Variants in RAB3GAP1 observed in about 807,000 individuals in gnomAD.
The protein encoded by RAB3GAP1 is RAB3 GTPase activating protein catalytic subunit 1.
Under a neutral mutation model 130.7 loss-of-function variants are expected in RAB3GAP1, and 86 were observed. The ratio of observed to expected loss-of-function variants is 0.66; its 90% CI spans 0.55 to 0.79. RAB3GAP1 has a LOEUF of 0.79. Among genes scored for constraint, RAB3GAP1 ranks in the 30% least tolerant of loss-of-function variants. The pLI is 0.00. For missense variants in RAB3GAP1, 1,029 were observed against 1,169.4 expected, an observed-to-expected ratio of 0.88 and a Z score of 1.75; for synonymous variants, 367 against 401.7, an observed-to-expected ratio of 0.91 and a Z score of 1.03.
chr2:135,093,831 A>G, intron 5 of RAB3GAP1, 138 bp downstream of exon 5: 1 of 767,528 alleles, frequency 1.3e-6, no homozygotes, highest in Non-Finnish European at 2.3e-6. Context: ...CAGAGACAGG[A>G]TACAGGGCAA....
At chr2:135,075,544 T>TATAC (rs1339355586) in intron 3 of RAB3GAP1, among the ~76,000 whole-genome samples, 3 of 152,244 alleles carry the variant, frequency 2.0e-5, no homozygotes, top group Non-Finnish European at 4.4e-5. Context: ...ATAATGTGTT[T>TATAC]ATACATGTTC....
At chr2:135,132,618 T>A (rs970023685) in intron 13 of RAB3GAP1, among the ~76,000 whole-genome samples, 3 of 152,196 alleles carry the variant, frequency 2.0e-5, no homozygotes, top group African/African-American at 7.2e-5. Context: ...TGATGAGATT[T>A]TGCTTTTGCA....
intron 7 of RAB3GAP1, among the ~76,000 whole-genome samples, chr2:135,116,162 T>G (rs187707235): frequency 4.4e-4 from 67 of 152,344 alleles, no homozygotes; most frequent in African/African-American, 1.5e-3. Context: ...TAAACTGACA[T>G]CATGTGTCGT....
intron 3 of RAB3GAP1, among the ~76,000 whole-genome samples, chr2:135,063,434 T>TC (rs1689234498): frequency 6.6e-6 from 1 of 152,164 alleles, no homozygotes; most frequent in Non-Finnish European, 1.5e-5. Flanking sequence ...AGAACTTTTT[T>TC]CATCAGCTCA....
At chr2:135,134,066 G>T (rs762639891) in intron 15 of RAB3GAP1, 33 bp downstream of exon 15, 13 of 1,610,612 alleles carry the variant, frequency 8.1e-6, no homozygotes, top group East Asian at 2.2e-5. Context: ...GTTTGGATAC[G>T]ATTTTGTTTG....
At chr2:135,110,466 G>A (rs1359590993) in intron 5 of RAB3GAP1, among the ~76,000 whole-genome samples, 1 of 152,200 alleles carries the variant, frequency 6.6e-6, no homozygotes, top group East Asian at 1.9e-4. Flanking sequence ...GTCAGGATTT[G>A]TGTATTTAGT....
Position 135,120,900 on chromosome 2 carries a change from T to G in RAB3GAP1, c.730T>G (p.Trp244Gly). Residue 244 changes from tryptophan (W) to glycine (G), a missense_variant, in exon 8 of 24, where the codon TGG (tryptophan) becomes GGG (glycine). By Grantham distance (184) the Trp-to-Gly change is radical. Around this residue, in one of 3 missense-constraint regions of RAB3GAP1, gnomAD observed 510 missense variants for 532.1 expected, o/e 0.96. Coordinates refer to ENST00000264158, the MANE Select transcript of RAB3GAP1 (RefSeq NM_012233.3). Reference sequence around the variant, plus strand: ...ACTTCAAGATTGGCAGCAGTATTTTTGGCCTCAGCAACCTCCAGGTGAGAT... The same window carrying G: ...ACTTCAAGATTGGCAGCAGTATTTTGGGCCTCAGCAACCTCCAGGTGAGAT... ...YVLQDWQQYFWPQQPPDIDAL... is the reference protein window; with the variant it reads ...YVLQDWQQYFGPQQPPDIDAL... 6.2e-7 allele frequency: 1 copy of G among 1,607,762 alleles called. No individual in the cohort carries two copies. Among genetic ancestry groups the G allele is most frequent in the Non-Finnish European group, 8.5e-7 (1 of 1,174,252 alleles).
At chr2:135,132,443 G>T (rs1691575586) in intron 13 of RAB3GAP1, among the ~76,000 whole-genome samples, 1 of 152,110 alleles carries the variant, frequency 6.6e-6, no homozygotes, top group Non-Finnish European at 1.5e-5. Context: ...TGTGGGTCTT[G>T]AATATCATCT....
At chr2:135,067,713 T>C (rs1000308480) in intron 3 of RAB3GAP1, among the ~76,000 whole-genome samples, 1 of 152,204 alleles carries the variant, frequency 6.6e-6, no homozygotes, top group South Asian at 2.1e-4. Flanking sequence ...TTTATTGTTT[T>C]TGCCTTTCTG....
In RAB3GAP1 at chr2:135,093,606, T is replaced by G; in HGVS notation, c.284-9T>G. On this transcript the variant is annotated splice_polypyrimidine_tract_variant and intron_variant, in intron 4 of 23. Transcript: ENST00000264158. ...ATACTAACTTTTTCATTATCAAATG[T>G]TTTTGTAGATGTTGTTCCACAATCT... 6.2e-7 allele frequency: 1 copy of G among 1,607,812 alleles called. No homozygotes were observed. The highest frequency in any genetic ancestry group is 8.5e-7 in the Non-Finnish European group (1 of 1,174,272).
At chr2:135,125,307 C>T (rs1425870655) in intron 9 of RAB3GAP1, among the ~76,000 whole-genome samples, 1 of 152,116 alleles carries the variant, frequency 6.6e-6, no homozygotes, top group Non-Finnish European at 1.5e-5. Flanking sequence ...AGTAGTACCC[C>T]CTTATCCACA....
At chr2:135,081,354 A>T (rs1379130827) in intron 3 of RAB3GAP1, among the ~76,000 whole-genome samples, 1 of 91,040 alleles carries the variant, frequency 1.1e-5, no homozygotes, top group Non-Finnish European at 1.9e-5. Context: ...ATATATATAT[A>T]TATATATACA....
At chr2:135,163,505 G>T (rs1427554087) in intron 22 of RAB3GAP1, among the ~76,000 whole-genome samples, 1 of 152,136 alleles carries the variant, frequency 6.6e-6, no homozygotes. Flanking sequence ...GTTCCTAGTT[G>T]TTTATTTTAA....
At chr2:135,136,494 CTT>C (rs946115641) in intron 17 of RAB3GAP1, 3 of 215,186 alleles carry the variant, frequency 1.4e-5, no homozygotes, top group African/African-American at 7.0e-5. Flanking sequence ...TCTAAATAAA[CTT>C]TTGGGGCTTT....
At chr2:135,166,108 G>A (rs1023262750) in intron 23 of RAB3GAP1, among the ~76,000 whole-genome samples, 4 of 151,250 alleles carry the variant, frequency 2.6e-5, no homozygotes, top group African/African-American at 9.7e-5. Context: ...AGAGGCAGAG[G>A]TTACAGTGAG....
chr2:135,162,953 C>T lies in RAB3GAP1; in HGVS notation c.2491-33C>T, dbSNP rs114930438. 1,041 of 1,588,158 alleles carry T rather than the reference C, an allele frequency of 6.6e-4. 6 individuals carry two copies. In the African/African-American group the frequency reaches 0.01, roughly 16 times the overall value. On this transcript the variant is annotated intron_variant, in intron 21 of 23. Transcript: ENST00000264158. ...AAAGGGCTTTGCTTTTTTGCCATCT[C>T]GCAATGTATGCCTCTTCCTTTTCTA... is the stretch of plus-strand genomic sequence containing the variant.
At chr2:135,097,205 C>T (rs188392441) in intron 5 of RAB3GAP1, among the ~76,000 whole-genome samples, 4 of 145,582 alleles carry the variant, frequency 2.7e-5, no homozygotes, top group East Asian at 2.0e-4. Flanking sequence ...AGCATAGGCA[C>T]GTCCTTCCCA....
intron 19 of RAB3GAP1, among the ~76,000 whole-genome samples, chr2:135,158,451 G>A (rs1034655921): frequency 2.0e-5 from 3 of 152,136 alleles, no homozygotes; most frequent in Non-Finnish European, 4.4e-5. Context: ...ACAATTTTGA[G>A]TTGTAAATAT....
intron 22 of RAB3GAP1, among the ~76,000 whole-genome samples, chr2:135,164,117 C>G (rs1156713470): frequency 1.3e-5 from 2 of 152,160 alleles, no homozygotes. Flanking sequence ...TCTAATGGCA[C>G]AGTTTACAAT....
Sources: allele counts gnomAD v4.1 joint callset (sites outside exome capture counted in the v4.1 genomes callset), GRCh38; gene constraint gnomAD v4.1.1; regional missense constraint gnomAD v4.1.1; transcripts MANE v1.5; gene names NCBI Gene and HGNC (gene_info 2026-07-23, HGNC 2026-07-21).